Variants in MGAT1 observed in about 807,000 individuals in gnomAD.
The protein encoded by MGAT1 is N-glycosyl-oligosaccharide-glycoprotein N-acetylglucosaminyltransferase I.
MGAT1 carries 14 observed loss-of-function variants against 31.7 expected under a neutral mutation model. That is an observed-to-expected ratio of 0.44 (90% CI 0.29 to 0.69). The LOEUF (loss-of-function observed/expected upper bound fraction) is 0.69. MGAT1 is among the 30% of genes least tolerant of loss of function. MGAT1 has a pLI of 0.12. For synonymous variants in MGAT1, 338 were observed against 276.0 expected (o/e 1.22, Z -2.23); for missense variants, 557 against 626.0 (o/e 0.89, Z 1.18).
intron 1 of MGAT1, among the ~76,000 whole-genome samples, chr5:180,800,076 A>C (rs1213824456): frequency 6.6e-6 from 1 of 152,220 alleles, no homozygotes; most frequent in Non-Finnish European, 1.5e-5. Context: ...TGAGATGTTA[A>C]TAAAATGATT....
At chr5:180,794,548 A>G (rs1768940381) in intron 1 of MGAT1, among the ~76,000 whole-genome samples, 1 of 152,156 alleles carries the variant, frequency 6.6e-6, no homozygotes, top group Non-Finnish European at 1.5e-5. Context: ...AAAATCTAAT[A>G]TGTAATAAAG....
chr5:180,785,027 T>C lies in MGAT1; in HGVS notation c.*6607A>G, dbSNP rs1009284008. 5 of 152,214 alleles carry C rather than the reference T, an allele frequency of 3.3e-5. No homozygotes were observed. Among genetic ancestry groups the C allele is most frequent in the African/African-American group, 7.2e-5 (3 of 41,452 alleles). 9.4% of individuals were successfully genotyped at this position (152,214 alleles called of 1,614,324 possible). ...TAGTCTTTCAACTTCCCTGTGAGTT[T>C]GAATATTTTCATAATAAAAACTTGA... On this transcript the variant is annotated 3_prime_UTR_variant, in exon 2 of 2. Transcript: ENST00000307826.
In MGAT1 at chr5:180,790,094, T is replaced by A. The variant is rs1581783499; in HGVS notation, c.*1540A>T. ...AGCGCCACTGTGAGGCCAACCCTGG[T>A]ATCAGCTGTGTACCCTGAGGCTCCC... On this transcript the variant is annotated 3_prime_UTR_variant, in exon 2 of 2. Coordinates refer to ENST00000307826, the MANE Select transcript of MGAT1 (RefSeq NM_002406.4). The A allele has an allele frequency of 1.3e-5, 2 of 152,316 alleles. No individual in the cohort carries two copies. Among genetic ancestry groups the A allele is most frequent in the East Asian group, 3.9e-4 (2 of 5,172 alleles). 9.4% of individuals were successfully genotyped at this position (152,316 alleles called of 1,614,324 possible).
In MGAT1 at chr5:180,792,105, G is replaced by A. The variant is rs773022884; in HGVS notation, c.867C>T (p.Asp289=). The A allele has an allele frequency of 5.6e-6, 9 of 1,613,298 alleles. No individual in the cohort carries two copies. The East Asian group carries it at 8.9e-5, about 16-fold the overall frequency. Reference sequence around the variant, plus strand: ...GCTGCTCCGGCCGCCGCATCCAGTCGTCCCAGAAGGCCTTTGGCCACTTGG... The same window carrying A: ...GCTGCTCCGGCCGCCGCATCCAGTCATCCCAGAAGGCCTTTGGCCACTTGG... The part of the protein sequence containing the change: ...LEPKWPKAFW[D]DWMRRPEQRQ... The change falls in exon 2 of 2, where the codon GAC becomes GAT. Residue 289 remains aspartate (D), a synonymous_variant. Coordinates refer to ENST00000307826, the MANE Select transcript of MGAT1 (RefSeq NM_002406.4).
chr5:180,807,504 G>A (rs928634605), upstream of MGAT1, among the ~76,000 whole-genome samples: 4 of 152,214 alleles, frequency 2.6e-5, no homozygotes, highest in African/African-American at 7.2e-5. Flanking sequence ...GGAAAAAAAC[G>A]TCATCTTAAG....
chr5:180,785,127 G>A lies in MGAT1; in HGVS notation c.*6507C>T, dbSNP rs1767485096. ...CATCCTTTAATTCAAGAACATCTAC[G>A]TAAATAATAGAACCAGTCTCCTAGA... On this transcript the variant is annotated 3_prime_UTR_variant, in exon 2 of 2. Coordinates refer to ENST00000307826, the MANE Select transcript of MGAT1 (RefSeq NM_002406.4). 1 of 152,186 alleles carries A rather than the reference G, an allele frequency of 6.6e-6. No homozygotes were observed. The highest frequency in any genetic ancestry group is 2.4e-5 in the African/African-American group (1 of 41,436). The allele number at this position is 152,186 out of a possible 1,614,324, so 9.4% of individuals were successfully genotyped here. A position where few individuals can be genotyped will look rare whatever the true frequency, so the allele number is the denominator to read the frequency against.
intron 1 of MGAT1, among the ~76,000 whole-genome samples, chr5:180,800,352 T>A (rs1025355452): frequency 1.3e-5 from 2 of 152,242 alleles, no homozygotes; most frequent in South Asian, 2.1e-4. Flanking sequence ...CAGTTTCTAT[T>A]GGTCAGAAAT....
At chr5:180,793,126 T>C in intron 1 of MGAT1, 29 bp from the exon 2 acceptor site, 1 of 915,484 alleles carries the variant, frequency 1.1e-6, no homozygotes. Context: ...AAGCAAACCG[T>C]CACACAAAGG....
chr5:180,815,343 C>T (rs1772809972), intron 1 of MGAT1: 1 of 152,302 alleles, frequency 6.6e-6, no homozygotes, highest in Non-Finnish European at 1.5e-5. Flanking sequence ...TGCTCAAGTC[C>T]CTTCTCTGTG....
intron 1 of MGAT1, among the ~76,000 whole-genome samples, chr5:180,797,980 G>A (rs1331239495): frequency 6.6e-6 from 1 of 152,136 alleles, no homozygotes; most frequent in Non-Finnish European, 1.5e-5. Context: ...TCTCACAACT[G>A]GCTGTGCCCA....
At chr5:180,793,124 C>T (rs1768600406) in intron 1 of MGAT1, 27 bp from the exon 2 acceptor site, 3 of 941,886 alleles carry the variant, frequency 3.2e-6, no homozygotes, top group East Asian at 2.7e-5. Flanking sequence ...GAAAGCAAAC[C>T]GTCACACAAA....
chr5:180,791,374 G>T lies in MGAT1; in HGVS notation c.*260C>A. The stretch of plus-strand genomic sequence containing the variant: ...ACGTGGACATTTCTGGCCCCAACAA[G>T]CCCAGTGCCCCCCACCACACAGTGG... On this transcript the variant is annotated 3_prime_UTR_variant, in exon 2 of 2. Coordinates refer to ENST00000307826, the MANE Select transcript of MGAT1 (RefSeq NM_002406.4). The T allele has an allele frequency of 3.6e-6, 2 of 552,940 alleles. No individual in the cohort carries two copies. The highest frequency in any genetic ancestry group is 6.4e-6 in the Non-Finnish European group (2 of 312,874). The allele number at this position is 552,940 out of a possible 1,614,324, so 34.3% of individuals were successfully genotyped here.
upstream of MGAT1, among the ~76,000 whole-genome samples, chr5:180,804,588 T>C (rs748960711): frequency 6.6e-6 from 1 of 152,208 alleles, no homozygotes. Flanking sequence ...CTCTGCCCTA[T>C]GTTTGCCTAA....
chr5:180,805,443 T>C (rs1771721651), upstream of MGAT1, among the ~76,000 whole-genome samples: 1 of 152,250 alleles, frequency 6.6e-6, no homozygotes, highest in Non-Finnish European at 1.5e-5. Context: ...ATATGTTGGC[T>C]TGAAAACATC....
At chr5:180,793,119 C>A in intron 1 of MGAT1, 22 bp from the exon 2 acceptor site, 1 of 954,600 alleles carries the variant, frequency 1.0e-6, no homozygotes, top group Non-Finnish European at 1.5e-6. Context: ...AGAGAGAAAG[C>A]AAACCGTCAC....
rs891086674 is a variant in MGAT1 at position 180,787,157 on chromosome 5, G to A, written c.*4477C>T. On this transcript the variant is annotated 3_prime_UTR_variant, in exon 2 of 2. Coordinates refer to ENST00000307826, the MANE Select transcript of MGAT1 (RefSeq NM_002406.4). ...TCACAGGAAGAGGCTCTGGCAGGAA[G>A]AACAGCTGGACCCGAGTCAGACACG... The A allele has an allele frequency of 6.6e-6, 1 of 152,470 alleles. No homozygotes were observed. The highest frequency in any genetic ancestry group is 6.5e-5 in the Admixed American group (1 of 15,294). 9.4% of individuals were successfully genotyped at this position (152,470 alleles called of 1,614,324 possible). A position where few individuals can be genotyped will look rare whatever the true frequency, so the allele number is the denominator to read the frequency against.
chr5:180,799,314 T>A (rs1298141619), intron 1 of MGAT1, among the ~76,000 whole-genome samples: 1 of 152,184 alleles, frequency 6.6e-6, no homozygotes, highest in Non-Finnish European at 1.5e-5. Flanking sequence ...AGTAAGCATA[T>A]ACCTGGACGC....
At position 180,791,690 on chromosome 5, in the gene MGAT1, G is replaced by T; in HGVS notation, c.1282C>A (p.Arg428Ser). The stretch of plus-strand genomic sequence containing the variant: ...GTCAGTGGGGGCGCCAGGTGGACAC[G>T]GCGGCCCCGGAACTGGAAGGTGACA... ...GIVTFQFRGR[R>S]VHLAPPLTWE... The change falls in exon 2 of 2, where the codon CGT becomes AGT. Residue 428 changes from arginine to serine, a missense_variant. Arg to Ser is a moderately radical substitution (Grantham distance 110). This residue lies in a region of MGAT1 where 145 missense variants were observed against 143.2 expected (regional missense o/e 1.01). Transcript: ENST00000307826. 2.5e-6 allele frequency: 4 copies of T among 1,613,840 alleles called. No individual in the cohort carries two copies. Among genetic ancestry groups the T allele is most frequent in the Non-Finnish European group, 3.4e-6 (4 of 1,180,000 alleles).
chr5:180,800,982 CCACCAGGTACAAAGACATCTG>C (rs1276513063), intron 1 of MGAT1, among the ~76,000 whole-genome samples: 2 of 152,204 alleles, frequency 1.3e-5, no homozygotes, highest in Non-Finnish European at 2.9e-5. Context: ...CCAATCCACA[CCACCAGGTACAAAGACATCTG>C]CACCATGGTG....
Sources: allele counts gnomAD v4.1 joint callset (sites outside exome capture counted in the v4.1 genomes callset), GRCh38; gene constraint gnomAD v4.1.1; regional missense constraint gnomAD v4.1.1; transcripts MANE v1.5; gene names NCBI Gene and HGNC (gene_info 2026-07-23, HGNC 2026-07-21).